Variants in NLGN1 observed in about 807,000 individuals in gnomAD.
NLGN1 encodes neuroligin-1.
In NLGN1, 12 loss-of-function variants were observed where a neutral mutation model predicts 65.5. The ratio of observed to expected loss-of-function variants is 0.18; its 90% CI spans 0.12 to 0.30. The LOEUF is 0.30. Among genes scored for constraint, NLGN1 ranks in the 10% least tolerant of loss-of-function variants. The pLI, the probability that NLGN1 is intolerant of heterozygous loss-of-function variation, is 1.00. For missense variants in NLGN1, 750 were observed against 1,007.1 expected, an observed-to-expected ratio of 0.74 and a Z score of 3.46; for synonymous variants, 350 against 359.5, an observed-to-expected ratio of 0.97 and a Z score of 0.30.
chr3:173,825,647 T>TAG (rs1721194271), intron 4 of NLGN1, among the ~76,000 whole-genome samples: 1 of 152,082 alleles, frequency 6.6e-6, no homozygotes, highest in Non-Finnish European at 1.5e-5. Flanking sequence ...ATTTACATGG[T>TAG]AGTTGATAAG....
At chr3:174,209,474 T>TTC (rs1736035059) in intron 4 of NLGN1, among the ~76,000 whole-genome samples, 1 of 152,088 alleles carries the variant, frequency 6.6e-6, no homozygotes, top group Non-Finnish European at 1.5e-5. Flanking sequence ...GGCAAGCAAA[T>TTC]TCCTGCAGGT....
At chr3:173,427,004 C>G (rs1021692046) in intron 1 of NLGN1, among the ~76,000 whole-genome samples, 2 of 151,988 alleles carry the variant, frequency 1.3e-5, no homozygotes, top group Non-Finnish European at 2.9e-5. Flanking sequence ...AACCTCATTA[C>G]TTAATGGGCT....
At position 174,137,721 on chromosome 3, in the gene NLGN1, G is replaced by A. The variant is rs1721477984; in HGVS notation, c.647-137594G>A. ...ATATTAATTTTGATATGTCTTTGTG[G>A]GAAAATACCTATAGTTCTATATTAT... On this transcript the variant is annotated intron_variant, in intron 4 of 6. Transcript: ENST00000457714. Among the ~76,000 whole-genome samples, 3 of 152,138 alleles carry A rather than the reference G, an allele frequency of 2.0e-5. No homozygotes were observed. In the South Asian group the frequency reaches 6.2e-4, roughly 32 times the overall value.
At chr3:174,102,136 G>A (rs1712654356) in intron 4 of NLGN1, among the ~76,000 whole-genome samples, 1 of 152,102 alleles carries the variant, frequency 6.6e-6, no homozygotes. Flanking sequence ...GGCCTTTGTG[G>A]TTGCCATTCT....
chr3:173,794,173 C>T (rs967825037), intron 3 of NLGN1, among the ~76,000 whole-genome samples: 1 of 152,110 alleles, frequency 6.6e-6, no homozygotes, highest in Non-Finnish European at 1.5e-5. Flanking sequence ...TACACCTAGT[C>T]ACTGAAGACT....
chr3:174,227,023 A>G (rs1739841844), intron 4 of NLGN1, among the ~76,000 whole-genome samples: 1 of 152,226 alleles, frequency 6.6e-6, no homozygotes, highest in Admixed American at 6.5e-5. Context: ...AATATTAAAC[A>G]TAATTTTAGG....
At chr3:173,527,127 T>G (rs1560386131) in intron 2 of NLGN1, among the ~76,000 whole-genome samples, 1 of 152,166 alleles carries the variant, frequency 6.6e-6, no homozygotes, top group Non-Finnish European at 1.5e-5. Context: ...TATTTTTAGT[T>G]TCTTGAGGAA....
At chr3:174,162,859 C>T (rs1032908224) in intron 4 of NLGN1, among the ~76,000 whole-genome samples, 2 of 151,432 alleles carry the variant, frequency 1.3e-5, no homozygotes, top group African/African-American at 4.8e-5. Context: ...CGCTTTAATT[C>T]TATGGCTACT....
intron 4 of NLGN1, among the ~76,000 whole-genome samples, chr3:173,881,913 G>T (rs1490377514): frequency 6.6e-6 from 1 of 152,164 alleles, no homozygotes; most frequent in Non-Finnish European, 1.5e-5. Context: ...AATTTACTTT[G>T]CCCAGATTCG....
chr3:173,525,319 T>C (rs1473352282), intron 2 of NLGN1, among the ~76,000 whole-genome samples: 1 of 152,042 alleles, frequency 6.6e-6, no homozygotes, highest in Non-Finnish European at 1.5e-5. Context: ...TATTCAGGAT[T>C]TCTATTTTTT....
At chr3:173,533,765 C>T (rs561862288) in intron 2 of NLGN1, among the ~76,000 whole-genome samples, 149 of 152,232 alleles carry the variant, frequency 9.8e-4, no homozygotes, top group Non-Finnish European at 1.5e-3. Flanking sequence ...AGGCAGCTCT[C>T]GAGCTCAGAA....
chr3:173,893,900 A>G (rs1359005548), intron 4 of NLGN1, among the ~76,000 whole-genome samples: 1 of 152,186 alleles, frequency 6.6e-6, no homozygotes, highest in Non-Finnish European at 1.5e-5. Context: ...ATGTTACAAC[A>G]TCTTTGGCCT....
chr3:173,625,592 T>C (rs892448002), intron 3 of NLGN1, among the ~76,000 whole-genome samples: 1 of 152,152 alleles, frequency 6.6e-6, no homozygotes, highest in African/African-American at 2.4e-5. Flanking sequence ...ATGTTTCAAG[T>C]TACAAATCAT....
Position 174,135,140 on chromosome 3 carries a change from C to G in NLGN1, c.647-140175C>G, listed in dbSNP as rs567191297. ...CTTAAGATTTCTAATGCATCTTAAT[C>G]AGACATTTGGTATCCTAAATTAACC... On this transcript the variant is annotated intron_variant, in intron 4 of 6. Coordinates refer to ENST00000457714, the Ensembl canonical transcript of NLGN1. Among the ~76,000 whole-genome samples, 4 of 152,300 alleles carry G rather than the reference C, an allele frequency of 2.6e-5. No individual in the cohort carries two copies. The South Asian group carries it at 8.3e-4, about 32-fold the overall frequency.
intron 4 of NLGN1, among the ~76,000 whole-genome samples, chr3:174,263,231 G>A (rs1215115659): frequency 6.7e-6 from 1 of 149,864 alleles, no homozygotes; most frequent in Non-Finnish European, 1.5e-5. Context: ...CAATTCCTGG[G>A]TATCCTTGTT....
chr3:173,722,647 A>G (rs13087558), intron 3 of NLGN1, among the ~76,000 whole-genome samples: 33,509 of 152,066 alleles, frequency 0.22, 3,963 homozygotes, highest in Non-Finnish European at 0.27. Flanking sequence ...AGCCACATCA[A>G]ATCCAGAGTC....
intron 2 of NLGN1, among the ~76,000 whole-genome samples, chr3:173,581,396 CA>C (rs1385254245): frequency 6.6e-6 from 1 of 151,946 alleles, no homozygotes; most frequent in African/African-American, 2.4e-5. Context: ...GTTGTAATTT[CA>C]GCTTATGGCT....
At chr3:174,028,499 G>A (rs1170456593) in intron 4 of NLGN1, among the ~76,000 whole-genome samples, 2 of 152,194 alleles carry the variant, frequency 1.3e-5, no homozygotes, top group African/African-American at 2.4e-5. Context: ...CTTTGAACTT[G>A]AGAAAGATGA....
At chr3:173,468,308 TCTCCTTTCACCAGTTATCC>T (rs1326420949) in intron 2 of NLGN1, among the ~76,000 whole-genome samples, 1 of 152,238 alleles carries the variant, frequency 6.6e-6, no homozygotes, top group East Asian at 1.9e-4. Flanking sequence ...TGAATCTCCC[TCTCCTTTCACCAGTTATCC>T]TAATTTTCAA....
Sources: gnomAD v4.1 joint callset for allele counts (sites outside exome capture counted in the v4.1 genomes callset) on GRCh38, gnomAD v4.1.1 for gene constraint, MANE v1.5 for transcripts, NCBI Gene and HGNC (gene_info 2026-07-23, HGNC 2026-07-21) for gene names.